Variants in PTPRG observed in about 807,000 individuals in gnomAD.
The protein encoded by PTPRG is receptor-type tyrosine-protein phosphatase gamma.
PTPRG carries 102 observed loss-of-function variants against 165.3 expected under a neutral mutation model. The ratio of observed to expected loss-of-function variants is 0.62; its 90% confidence interval spans 0.53 to 0.73. The LOEUF (loss-of-function observed/expected upper bound fraction) is 0.73, where lower values mean the gene tolerates loss of function less well. PTPRG is among the 30% of genes least tolerant of loss of function. The pLI is 0.00. For missense variants in PTPRG, 1,866 were observed against 1,861.4 expected, an observed-to-expected ratio of 1.00 and a Z score of -0.05; for synonymous variants, 675 against 669.5, an observed-to-expected ratio of 1.01 and a Z score of -0.13.
At chr3:61,738,509 A>G (rs1042758702) in intron 1 of PTPRG, among the ~76,000 whole-genome samples, 1 of 150,876 alleles carries the variant, frequency 6.6e-6, no homozygotes, top group Admixed American at 6.6e-5. Flanking sequence ...ATGGTGCTCT[A>G]TTCGACTTAT....
intron 2 of PTPRG, among the ~76,000 whole-genome samples, chr3:61,813,327 T>TAAAAAA (rs757811011): frequency 2.3e-5 from 2 of 87,504 alleles, no homozygotes; most frequent in East Asian, 3.1e-4. Context: ...CCATGATTAC[T>TAAAAAA]AAAAAAAAAA....
At chr3:62,020,844 T>G (rs2041671881) in intron 4 of PTPRG, among the ~76,000 whole-genome samples, 1 of 105,480 alleles carries the variant, frequency 9.5e-6, no homozygotes, top group Non-Finnish European at 1.9e-5. Context: ...AGGTTTTTTT[T>G]GTTTTTTTTT....
chr3:61,717,269 A>G (rs1285272958), intron 1 of PTPRG, among the ~76,000 whole-genome samples: 1 of 152,190 alleles, frequency 6.6e-6, no homozygotes, highest in Non-Finnish European at 1.5e-5. Flanking sequence ...CATGCTTCCT[A>G]TATGCAATGC....
intron 2 of PTPRG, among the ~76,000 whole-genome samples, chr3:61,845,161 C>CT (rs1234705422): frequency 9.9e-5 from 15 of 152,112 alleles, no homozygotes; most frequent in African/African-American, 3.6e-4. Flanking sequence ...GTTTCATGTT[C>CT]TTCTTTTGTG....
intron 11 of PTPRG, among the ~76,000 whole-genome samples, 199 bp from the exon 12 acceptor site, chr3:62,202,974 A>T (rs1031463334): frequency 6.6e-6 from 1 of 152,128 alleles, no homozygotes; most frequent in Non-Finnish European, 1.5e-5. Context: ...CAATTATAAA[A>T]CCATTAAAAA....
At position 62,090,100 on chromosome 3, in the gene PTPRG, G is replaced by C. The variant is rs115969202; in HGVS notation, c.615+11842G>C. Among the ~76,000 whole-genome samples, 979 of 152,272 alleles carry C rather than the reference G, an allele frequency of 6.4e-3. 10 individuals carry two copies. The highest frequency in any genetic ancestry group is 0.022 in the African/African-American group (930 of 41,540). ...AGATACTTCTAAAATTACACTGTCA[G>C]TAATTTGTTTGCACCACATATAATA... On this transcript the variant is annotated intron_variant, in intron 5 of 29. Coordinates refer to ENST00000474889, the MANE Select transcript of PTPRG (RefSeq NM_002841.4).
intron 2 of PTPRG, among the ~76,000 whole-genome samples, chr3:61,807,094 A>G (rs1436978605): frequency 1.3e-5 from 2 of 152,240 alleles, no homozygotes; most frequent in East Asian, 1.9e-4. Context: ...AAAAAGGGAA[A>G]GAGAAGCCAT....
chr3:62,220,240 G>A (rs771723481), intron 13 of PTPRG, among the ~76,000 whole-genome samples: 1 of 152,218 alleles, frequency 6.6e-6, no homozygotes, highest in Non-Finnish European at 1.5e-5. Context: ...CAGCCTTGTG[G>A]GCCATTGTTA....
At chr3:61,851,382 C>G (rs2036958921) in intron 2 of PTPRG, among the ~76,000 whole-genome samples, 1 of 152,064 alleles carries the variant, frequency 6.6e-6, no homozygotes, top group African/African-American at 2.4e-5. Flanking sequence ...AAGAGAGGAT[C>G]TAGTTGGGAA....
At chr3:61,949,381 G>C (rs1020751492) in intron 2 of PTPRG, among the ~76,000 whole-genome samples, 11 of 152,180 alleles carry the variant, frequency 7.2e-5, no homozygotes, top group Non-Finnish European at 1.5e-4. Flanking sequence ...TCTGATACAG[G>C]CTGTCTCTTT....
chr3:61,985,563 G>C (rs894558524), intron 2 of PTPRG, among the ~76,000 whole-genome samples: 1 of 152,180 alleles, frequency 6.6e-6, no homozygotes, highest in African/African-American at 2.4e-5. Context: ...CAGAGGAGGG[G>C]CTGTGAGCCA....
intron 2 of PTPRG, among the ~76,000 whole-genome samples, chr3:61,895,441 A>G (rs1305014054): frequency 6.6e-6 from 1 of 152,122 alleles, no homozygotes; most frequent in East Asian, 1.9e-4. Flanking sequence ...CTATCTTGCT[A>G]GTGATTAAGT....
At chr3:61,736,434 A>G (rs2032725948) in intron 1 of PTPRG, among the ~76,000 whole-genome samples, 3 of 149,728 alleles carry the variant, frequency 2.0e-5, no homozygotes, top group Non-Finnish European at 1.5e-5. Flanking sequence ...ATTTGGCTTG[A>G]TTCTCATTAA....
chr3:61,919,741 G>C (rs912809846), intron 2 of PTPRG, among the ~76,000 whole-genome samples: 1 of 152,064 alleles, frequency 6.6e-6, no homozygotes, highest in Non-Finnish European at 1.5e-5. Context: ...CTGTGGACCT[G>C]CTTATCTACT....
At chr3:62,211,609 A>G (rs1418024093) in intron 12 of PTPRG, among the ~76,000 whole-genome samples, 2 of 152,168 alleles carry the variant, frequency 1.3e-5, no homozygotes, top group Non-Finnish European at 1.5e-5. Flanking sequence ...GAAATTCCCC[A>G]CGATGGAAAC....
chr3:61,915,035 C>T (rs1050092837), intron 2 of PTPRG, among the ~76,000 whole-genome samples: 2 of 152,172 alleles, frequency 1.3e-5, no homozygotes, highest in African/African-American at 2.4e-5. Context: ...TCCAGGCCAG[C>T]CTGAACAACA....
chr3:61,853,503 T>C (rs1278200567), intron 2 of PTPRG, among the ~76,000 whole-genome samples: 1 of 152,226 alleles, frequency 6.6e-6, no homozygotes, highest in African/African-American at 2.4e-5. Flanking sequence ...GCCATGTGAT[T>C]GAACCACTTA....
chr3:62,186,025 C>T (rs558302296), intron 8 of PTPRG, among the ~76,000 whole-genome samples: 17 of 152,246 alleles, frequency 1.1e-4, no homozygotes, highest in Non-Finnish European at 2.2e-4. Context: ...AGAAGGGTTT[C>T]CATCACTTAA....
intron 2 of PTPRG, among the ~76,000 whole-genome samples, chr3:61,788,325 T>C (rs184115442): frequency 1.3e-3 from 193 of 152,344 alleles, no homozygotes; most frequent in Admixed American, 5.4e-3. Context: ...ACTAATTTTA[T>C]TGAGTTATCA....
Sources: gnomAD v4.1 joint callset for allele counts (sites outside exome capture counted in the v4.1 genomes callset) on GRCh38, gnomAD v4.1.1 for gene constraint, MANE v1.5 for transcripts, NCBI Gene and HGNC (gene_info 2026-07-23, HGNC 2026-07-21) for gene names.